GPC3: variants seen among roughly 807,000 people sequenced by gnomAD.
GPC3 encodes glypican-3.
In GPC3, 3 loss-of-function variants were observed where a neutral mutation model predicts 34.4. That is an observed-to-expected ratio of 0.09 (90% CI 0.04 to 0.23). The LOEUF is 0.23. GPC3 is among the 10% of genes least tolerant of loss of function. GPC3 has a pLI of 1.00. For synonymous variants in GPC3, 177 were observed against 174.0 expected (o/e 1.02, Z -0.13); for missense variants, 351 against 445.6 (o/e 0.79, Z 1.91).
intron 5 of GPC3, among the ~76,000 whole-genome samples, chrX:133,687,473 C>T (rs1723803681): frequency 3.2e-5 from 3 of 93,610 alleles, no homozygotes; most frequent in African/African-American, 1.2e-4. Context: ...CTCACTGCAA[C>T]CTCTGCCTCC....
intron 6 of GPC3, among the ~76,000 whole-genome samples, chrX:133,643,952 C>T (rs947642794): frequency 9.2e-6 from 1 of 108,222 alleles, no homozygotes; most frequent in East Asian, 2.9e-4. Flanking sequence ...CTCAACCTCC[C>T]GAGTAGCTGG....
chrX:133,607,307 A>G (rs1210494098), intron 6 of GPC3, among the ~76,000 whole-genome samples: 2 of 111,812 alleles, frequency 1.8e-5, no homozygotes, highest in Non-Finnish European at 3.8e-5. Context: ...TGGAAAGGGC[A>G]TAGCTCTGGG....
At chrX:133,835,819 T>A (rs2075797057) in intron 2 of GPC3, among the ~76,000 whole-genome samples, 1 of 112,866 alleles carries the variant, frequency 8.9e-6, no homozygotes, top group Non-Finnish European at 1.9e-5. Context: ...GGAAAAAAAA[T>A]CATCCTTTCA....
chrX:133,754,173 G>T lies in GPC3; in HGVS notation c.341C>A (p.Ala114Asp), dbSNP rs2071703691. 8.9e-7 allele frequency: 1 copy of T among 1,124,951 alleles called. No homozygotes were observed. 92.7% of individuals were successfully genotyped at this position (1,124,951 alleles called of 1,213,427 possible). Reference protein sequence around the residue: ...IIQNAAVFQEAFEIVVRHAKN... With the variant: ...IIQNAAVFQEDFEIVVRHAKN... ...GGCATGGCGAACAACAATTTCAAAG[G>T]CCTCTGTAAAAAAAAAAAAAAAAGA... Residue 114 changes from alanine (A) to aspartate (D), a missense_variant, in exon 3 of 8, where the codon GCC becomes GAC. Ala to Asp is a moderately radical substitution (Grantham distance 126). Coordinates refer to ENST00000370818, the MANE Select transcript of GPC3 (RefSeq NM_004484.4).
At position 133,885,839 on chromosome X, in the gene GPC3, T is replaced by C. The variant is rs1205691039; in HGVS notation, c.337+67211A>G. ...TAGCTCCTATGTCAGTATTTCATTA[T>C]TGTAATATAAAATATTCTTAAAGTC... On this transcript the variant is annotated intron_variant, in intron 2 of 7. Transcript: ENST00000370818. 8.9e-5 allele frequency among the ~76,000 whole-genome samples: 10 copies of C among 111,926 alleles called. No homozygotes were observed. In the South Asian group the frequency reaches 2.3e-3, roughly 25 times the overall value.
At chrX:133,863,622 C>T (rs1444187207) in intron 2 of GPC3, among the ~76,000 whole-genome samples, 1 of 104,677 alleles carries the variant, frequency 9.6e-6, no homozygotes, top group African/African-American at 3.7e-5. Context: ...CACACACACA[C>T]ACCCCTAGTT....
At chrX:133,955,582 A>G (rs1182007128) in intron 1 of GPC3, among the ~76,000 whole-genome samples, 1 of 111,893 alleles carries the variant, frequency 8.9e-6, no homozygotes, top group Non-Finnish European at 1.9e-5. Context: ...TACATGCTGG[A>G]GGTACGACTT....
chrX:133,734,130 A>G (rs140007887), intron 3 of GPC3, among the ~76,000 whole-genome samples: 2,058 of 112,133 alleles, frequency 0.018, 59 homozygotes, highest in African/African-American at 0.063. Flanking sequence ...AAGGACAGAT[A>G]TAAAAATCTT....
chrX:133,880,350 C>T (rs751013895), intron 2 of GPC3, among the ~76,000 whole-genome samples: 34 of 111,770 alleles, frequency 3.0e-4, no homozygotes, highest in Non-Finnish European at 5.5e-4. Flanking sequence ...GCTATATGAC[C>T]GCAGCTACTG....
At chrX:133,935,302 T>A (rs2076318707) in intron 2 of GPC3, among the ~76,000 whole-genome samples, 1 of 112,068 alleles carries the variant, frequency 8.9e-6, no homozygotes, top group Non-Finnish European at 1.9e-5. Flanking sequence ...AACTTTCTTG[T>A]AAGTACAAAG....
chrX:133,790,882 G>C (rs2072153763), intron 2 of GPC3, among the ~76,000 whole-genome samples: 1 of 111,678 alleles, frequency 9.0e-6, no homozygotes, highest in African/African-American at 3.3e-5. Context: ...CTCCATGAAA[G>C]GAATGGGAAT....
chrX:133,823,988 A>C (rs969088617), intron 2 of GPC3, among the ~76,000 whole-genome samples: 2 of 109,508 alleles, frequency 1.8e-5, no homozygotes, highest in Non-Finnish European at 3.8e-5. Context: ...AAAAAAAAAA[A>C]ATTGTAAGAA....
chrX:133,898,051 G>C (rs2076126391), intron 2 of GPC3, among the ~76,000 whole-genome samples: 1 of 111,550 alleles, frequency 9.0e-6, no homozygotes, highest in African/African-American at 3.3e-5. Context: ...ATTCCTAGAA[G>C]TGGTTAGATT....
intron 2 of GPC3, among the ~76,000 whole-genome samples, chrX:133,841,029 T>C (rs1221214975): frequency 1.9e-5 from 2 of 108,045 alleles, no homozygotes; most frequent in African/African-American, 6.8e-5. Flanking sequence ...GTATTGCCTA[T>C]ATTTTTAAAA....
At chrX:133,656,474 A>C (rs992919202) in intron 6 of GPC3, among the ~76,000 whole-genome samples, 12 of 111,956 alleles carry the variant, frequency 1.1e-4, no homozygotes, top group African/African-American at 3.9e-4. Context: ...CATCTGGGAA[A>C]TGTAAGTAAT....
intron 2 of GPC3, among the ~76,000 whole-genome samples, chrX:133,813,374 A>C (rs1234649112): frequency 1.8e-5 from 2 of 112,556 alleles, no homozygotes; most frequent in African/African-American, 3.2e-5. Flanking sequence ...TTCCGATAAC[A>C]CTGGCTGTAG....
chrX:133,975,782 T>G (rs756646219), intron 1 of GPC3, among the ~76,000 whole-genome samples: 2 of 112,443 alleles, frequency 1.8e-5, no homozygotes, highest in Non-Finnish European at 3.7e-5. Context: ...TTTTAAATAT[T>G]TATGCAGAAA....
intron 7 of GPC3, among the ~76,000 whole-genome samples, chrX:133,592,089 G>A (rs939384468): frequency 9.0e-6 from 1 of 111,116 alleles, no homozygotes; most frequent in African/African-American, 3.3e-5. Context: ...CTTTGTGAAT[G>A]TGACTTTAAG....
intron 2 of GPC3, among the ~76,000 whole-genome samples, chrX:133,950,702 C>A (rs941268951): frequency 8.9e-6 from 1 of 111,789 alleles, no homozygotes; most frequent in Non-Finnish European, 1.9e-5. Context: ...AAAGTGGATG[C>A]TCTCTTTTTC....
Sources: allele counts gnomAD v4.1 joint callset (sites outside exome capture counted in the v4.1 genomes callset), GRCh38; gene constraint gnomAD v4.1.1; transcripts MANE v1.5; gene names NCBI Gene and HGNC (gene_info 2026-07-23, HGNC 2026-07-21).